Variants in GALNT14 observed in about 807,000 individuals in gnomAD.
GALNT14 encodes the protein UDP-GalNAc:polypeptide N-acetylgalactosaminyltransferase 14.
In GALNT14, 60 loss-of-function variants were observed where a neutral mutation model predicts 77.5. That is an observed-to-expected ratio of 0.77 (90% CI 0.63 to 0.96). GALNT14 has a LOEUF of 0.96. Ranked by LOEUF, GALNT14 falls within the 40% of genes least tolerant of loss-of-function variation. The pLI is 0.00. For missense variants in GALNT14, 710 were observed against 731.0 expected, an observed-to-expected ratio of 0.97 and a Z score of 0.33; for synonymous variants, 280 against 281.7, an observed-to-expected ratio of 0.99 and a Z score of 0.06.
intron 1 of GALNT14, among the ~76,000 whole-genome samples, chr2:31,009,649 G>T (rs1177005467): frequency 1.3e-5 from 2 of 152,166 alleles, no homozygotes; most frequent in African/African-American, 2.4e-5. Context: ...CACCTTGCAT[G>T]GATTTCAAAT....
At chr2:31,073,374 C>T (rs1455852782) in intron 1 of GALNT14, among the ~76,000 whole-genome samples, 2 of 150,610 alleles carry the variant, frequency 1.3e-5, no homozygotes, top group Non-Finnish European at 1.5e-5. Context: ...ATAGAATAGT[C>T]AAAAAAACAA....
intron 1 of GALNT14, among the ~76,000 whole-genome samples, chr2:31,137,142 C>T (rs1679260956): frequency 6.6e-6 from 1 of 152,204 alleles, no homozygotes; most frequent in South Asian, 2.1e-4. Flanking sequence ...AATTATTATG[C>T]CTTTTCTCCT....
At chr2:31,068,601 C>T (rs1007820160) in intron 1 of GALNT14, among the ~76,000 whole-genome samples, 1 of 152,120 alleles carries the variant, frequency 6.6e-6, no homozygotes, top group Non-Finnish European at 1.5e-5. Flanking sequence ...TCTACCTCCC[C>T]CTGCAAAGAA....
At chr2:30,904,912 T>G in the GALNT14 span, among the ~76,000 whole-genome samples, 163 of 151,684 alleles carry the variant, frequency 1.1e-3, no homozygotes, top group African/African-American at 3.6e-3. Flanking sequence ...CCCTGACCCC[T>G]GAGCAGCCTA....
chr2:30,966,626 A>G (rs1668027797), intron 2 of GALNT14, among the ~76,000 whole-genome samples: 1 of 152,200 alleles, frequency 6.6e-6, no homozygotes, highest in Non-Finnish European at 1.5e-5. Context: ...TGGTAGCTGC[A>G]TGAACACAAC....
intron 1 of GALNT14, among the ~76,000 whole-genome samples, chr2:31,033,371 C>A (rs1182519870): frequency 6.6e-6 from 1 of 152,136 alleles, no homozygotes; most frequent in Non-Finnish European, 1.5e-5. Context: ...ATAAAGAGCT[C>A]TGAAATCTCA....
chr2:31,065,984 C>G (rs1674926378), intron 1 of GALNT14, among the ~76,000 whole-genome samples: 1 of 152,162 alleles, frequency 6.6e-6, no homozygotes, highest in African/African-American at 2.4e-5. Flanking sequence ...CCAATCCCCG[C>G]CCCACCCTCT....
chr2:30,977,334 G>T (rs181423532), intron 2 of GALNT14, among the ~76,000 whole-genome samples: 1 of 152,016 alleles, frequency 6.6e-6, no homozygotes, highest in Non-Finnish European at 1.5e-5. Context: ...CAGGTGATCC[G>T]CCCACCAGGT....
chr2:31,137,134 T>C (rs1679260524), intron 1 of GALNT14, among the ~76,000 whole-genome samples: 1 of 152,160 alleles, frequency 6.6e-6, no homozygotes, highest in Non-Finnish European at 1.5e-5. Context: ...ATCAAATAAA[T>C]TATTATGCCT....
At chr2:31,062,217 C>T (rs1674643597) in intron 1 of GALNT14, among the ~76,000 whole-genome samples, 2 of 152,148 alleles carry the variant, frequency 1.3e-5, no homozygotes. Context: ...TCCCTTTGAC[C>T]CCCACCTCCC....
chr2:30,931,921 T>C, intron 10 of GALNT14, 147 bp downstream of exon 10: 2 of 699,126 alleles, frequency 2.9e-6, no homozygotes, highest in Non-Finnish European at 2.0e-6. Flanking sequence ...AAGCAGAGTC[T>C]GGGTAGTACG....
At chr2:30,988,998 C>T (rs915695710) in intron 2 of GALNT14, among the ~76,000 whole-genome samples, 2 of 152,130 alleles carry the variant, frequency 1.3e-5, no homozygotes, top group African/African-American at 4.8e-5. Flanking sequence ...GACTCACGGG[C>T]CCCATCTCAG....
At chr2:30,890,896 G>T in the GALNT14 span, among the ~76,000 whole-genome samples, 4 of 152,206 alleles carry the variant, frequency 2.6e-5, no homozygotes, top group Non-Finnish European at 4.4e-5. Flanking sequence ...GGGAATGGTG[G>T]GTGAGGGGTC....
At chr2:31,076,630 T>G (rs1285269512) in intron 1 of GALNT14, among the ~76,000 whole-genome samples, 1 of 87,244 alleles carries the variant, frequency 1.1e-5, no homozygotes, top group Non-Finnish European at 2.4e-5. Flanking sequence ...TATATATATA[T>G]TTTTTTTTTT....
chr2:30,974,546 G>A (rs1448034243), intron 2 of GALNT14, among the ~76,000 whole-genome samples: 1 of 152,168 alleles, frequency 6.6e-6, no homozygotes, highest in East Asian at 1.9e-4. Flanking sequence ...CCTGCTCTTT[G>A]TCCCCTCTGG....
intron 1 of GALNT14, among the ~76,000 whole-genome samples, chr2:30,998,611 C>T (rs577179552): frequency 1.1e-4 from 16 of 152,336 alleles, no homozygotes; most frequent in African/African-American, 3.8e-4. Flanking sequence ...AGAATACTTA[C>T]TATGTGTCAT....
intron 1 of GALNT14, among the ~76,000 whole-genome samples, chr2:31,102,283 T>C (rs1407015577): frequency 6.6e-6 from 1 of 152,176 alleles, no homozygotes; most frequent in African/African-American, 2.4e-5. Flanking sequence ...TGTGTATATA[T>C]TTAAGCCATC....
intron 9 of GALNT14, among the ~76,000 whole-genome samples, chr2:30,939,526 G>A (rs1260598538): frequency 6.6e-6 from 1 of 152,144 alleles, no homozygotes; most frequent in Non-Finnish European, 1.5e-5. Context: ...TGAGGAGTGT[G>A]AGTCTCCCCT....
rs147602510 is a variant in GALNT14 at position 31,077,352 on chromosome 2, C to G, written c.129+60606G>C. On this transcript the variant is annotated intron_variant, in intron 1 of 14. Coordinates refer to ENST00000349752, the MANE Select transcript of GALNT14 (RefSeq NM_024572.4). ...GAACTTATGAAATCTAATATACACACCCATCTTTTACCATTCACAACTCAA... is the reference window on the plus strand; with the variant it reads ...GAACTTATGAAATCTAATATACACAGCCATCTTTTACCATTCACAACTCAA... 4.6e-3 allele frequency among the ~76,000 whole-genome samples: 694 copies of G among 152,286 alleles called. 5 individuals are homozygous for G. Among genetic ancestry groups the G allele is most frequent in the Middle Eastern group, 0.027 (8 of 294 alleles).
Sources: gnomAD v4.1 joint callset for allele counts (sites outside exome capture counted in the v4.1 genomes callset) on GRCh38, gnomAD v4.1.1 for gene constraint, MANE v1.5 for transcripts, NCBI Gene and HGNC (gene_info 2026-07-23, HGNC 2026-07-21) for gene names.